Variants in CORO2A observed in about 807,000 individuals in gnomAD.
CORO2A encodes coronin 2A.
A neutral mutation model predicts 62.4 loss-of-function variants in CORO2A; 47 were observed. The observed-to-expected ratio is 0.75, with a 90% CI of 0.60 to 0.96. The LOEUF (loss-of-function observed/expected upper bound fraction) is 0.96. Among genes scored for constraint, CORO2A ranks in the 40% least tolerant of loss-of-function variants. CORO2A has a pLI of 0.00. For synonymous variants in CORO2A, 273 were observed against 268.9 expected (o/e 1.02, Z -0.15); for missense variants, 610 against 684.1 (o/e 0.89, Z 1.21).
chr9:98,162,697 C>T (rs143453578), intron 1 of CORO2A, among the ~76,000 whole-genome samples: 1 of 152,312 alleles, frequency 6.6e-6, no homozygotes, highest in Non-Finnish European at 1.5e-5. Context: ...TCATGAGCGC[C>T]TGTGTCGTTT....
In CORO2A at chr9:98,129,867, G is replaced by T. The variant is rs147305904; in HGVS notation, c.894C>A (p.Tyr298Ter). Residue 298 changes from tyrosine to a stop codon, truncating the protein, a stop_gained, in exon 8 of 12, where the codon TAC becomes TAA. Coordinates refer to ENST00000375077, the MANE Select transcript of CORO2A (RefSeq NM_052820.4). LOFTEE classifies it high-confidence loss of function. Reference sequence around the variant, plus strand: ...GGTGAGGCTTGTCGGCGCTCACCTCGTAGTAGCGGATGTTGCCATCTCCCT... The same window carrying T: ...GGTGAGGCTTGTCGGCGCTCACCTCTTAGTAGCGGATGTTGCCATCTCCCT... The part of the protein sequence containing the change: ...VGKGDGNIRY[Y>*]EVSADKPHLS... 8 of 1,613,852 alleles carry T rather than the reference G, an allele frequency of 5.0e-6. No individual in the cohort carries two copies. In the South Asian group the frequency reaches 5.5e-5, roughly 11 times the overall value.
chr9:98,132,775 T>C (rs1827427165), intron 5 of CORO2A, among the ~76,000 whole-genome samples: 1 of 152,150 alleles, frequency 6.6e-6, no homozygotes, highest in Non-Finnish European at 1.5e-5. Context: ...GCCAACAAGC[T>C]TTGGAGTCAG....
chr9:98,151,405 G>A lies in CORO2A; in HGVS notation c.201+6055C>T, dbSNP rs180936526. ...ATGTTCTATCATTTTCCTTCTAAGC[G>A]TTGCTTGTTTATTCCTAGGTATCCA... is the stretch of plus-strand genomic sequence containing the variant. On this transcript the variant is annotated intron_variant, in intron 2 of 11. Transcript: ENST00000375077. Among the ~76,000 whole-genome samples the A allele has an allele frequency of 4.0e-3, 603 of 152,180 alleles. 7 individuals carry two copies. Among genetic ancestry groups the A allele is most frequent in the Middle Eastern group, 6.8e-3 (2 of 294 alleles).
At chr9:98,185,849 C>T (rs1564221709) in intron 1 of CORO2A, among the ~76,000 whole-genome samples, 1 of 152,240 alleles carries the variant, frequency 6.6e-6, no homozygotes, top group Non-Finnish European at 1.5e-5. Context: ...GGGCTAGAAG[C>T]CAGGGCTGCA....
In CORO2A at chr9:98,129,857, C is replaced by T. The variant is rs527744315; in HGVS notation, c.904G>A (p.Ala302Thr). 7.4e-5 allele frequency: 120 copies of T among 1,613,992 alleles called. No homozygotes were observed. The South Asian group carries it at 1.1e-3, about 15-fold the overall frequency. Residue 302 changes from alanine (A) to threonine (T), a missense_variant, in exon 8 of 12, where the codon GCC (alanine) becomes ACC (threonine). By Grantham distance (58) the Ala-to-Thr change is moderately conservative. Transcript: ENST00000375077. Reference protein sequence around the residue: ...DGNIRYYEVSADKPHLSYLTE... With the variant: ...DGNIRYYEVSTDKPHLSYLTE... ...AGGTAGCTCAGGTGAGGCTTGTCGG[C>T]GCTCACCTCGTAGTAGCGGATGTTG... is the stretch of plus-strand genomic sequence containing the variant.
intron 2 of CORO2A, among the ~76,000 whole-genome samples, chr9:98,145,751 C>T (rs565749317): frequency 1.3e-5 from 2 of 152,102 alleles, no homozygotes; most frequent in East Asian, 1.9e-4. Context: ...ATTGCTCTGT[C>T]GCCCAGGCTG....
At chr9:98,133,309 A>G in intron 4 of CORO2A, 92 bp from the exon 5 acceptor site, 1 of 1,312,104 alleles carries the variant, frequency 7.6e-7, no homozygotes, top group Non-Finnish European at 1.1e-6. Flanking sequence ...GAAACACAGT[A>G]TCCCTGGGAG....
chr9:98,131,323 C>A (rs949968581), intron 6 of CORO2A, among the ~76,000 whole-genome samples: 1 of 119,400 alleles, frequency 8.4e-6, no homozygotes, highest in African/African-American at 3.4e-5. Flanking sequence ...CTGCCCTTAA[C>A]AAATCACTTT....
Position 98,128,178 on chromosome 9 carries a change from A to T in CORO2A, c.1163T>A (p.Met388Lys). ...TTCTCTGCCTTCCTCACCTCGATTC[A>T]TCCCGCTGAGCCACTCCTGGGCCGT... Reference protein sequence around the residue: ...SLTAQEWLSGMNRDPILVSLR... With the variant: ...SLTAQEWLSGKNRDPILVSLR... Residue 388 changes from methionine (M) to lysine (K), a missense_variant, in exon 10 of 12, where the codon ATG (methionine) becomes AAG (lysine). By Grantham distance (95) the Met-to-Lys change is moderately conservative. Transcript: ENST00000375077. 2 of 1,612,650 alleles carry T rather than the reference A, an allele frequency of 1.2e-6. No individual in the cohort carries two copies. Among genetic ancestry groups the T allele is most frequent in the Non-Finnish European group, 1.7e-6 (2 of 1,179,204 alleles).
At chr9:98,165,729 C>T (rs1166773309) in intron 1 of CORO2A, among the ~76,000 whole-genome samples, 1 of 152,186 alleles carries the variant, frequency 6.6e-6, no homozygotes, top group South Asian at 2.1e-4. Context: ...GTGATTCCAG[C>T]GCATGTTAGG....
intron 4 of CORO2A, among the ~76,000 whole-genome samples, chr9:98,134,110 G>C (rs1043404119): frequency 8.5e-5 from 13 of 152,098 alleles, no homozygotes; most frequent in Non-Finnish European, 1.6e-4. Context: ...AACCCCTATA[G>C]TGTCAAAAGG....
intron 2 of CORO2A, among the ~76,000 whole-genome samples, chr9:98,157,166 G>A (rs1279704896): frequency 6.6e-6 from 1 of 152,112 alleles, no homozygotes; most frequent in African/African-American, 2.4e-5. Context: ...TGTAATCCCA[G>A]TAAAGCATTA....
At chr9:98,177,640 T>C (rs1235621269) in intron 1 of CORO2A, among the ~76,000 whole-genome samples, 4 of 151,548 alleles carry the variant, frequency 2.6e-5, no homozygotes, top group Non-Finnish European at 5.9e-5. Context: ...CAAATTTTTT[T>C]GTATTTTTAA....
At position 98,140,167 on chromosome 9, in the gene CORO2A, T is replaced by G. The variant is rs553558912; in HGVS notation, c.202-2479A>C. 5.3e-5 allele frequency among the ~76,000 whole-genome samples: 8 copies of G among 152,000 alleles called. No individual in the cohort carries two copies. In the South Asian group the frequency reaches 8.3e-4, roughly 16 times the overall value. ...GTTCTTGAGCCACCCACCAGAATGC[T>G]CCCCCAGCCATTTTTATATCTAAGT... On this transcript the variant is annotated intron_variant, in intron 2 of 11. Coordinates refer to ENST00000375077, the MANE Select transcript of CORO2A (RefSeq NM_052820.4).
chr9:98,133,256 C>T (rs775691582), intron 4 of CORO2A, 39 bp from the exon 5 acceptor site: 3 of 1,596,618 alleles, frequency 1.9e-6, no homozygotes, highest in Non-Finnish European at 2.6e-6. Context: ...CAGGGGCCAC[C>T]TTGCCCCTGG....
At chr9:98,166,852 A>C (rs1564214196) in intron 1 of CORO2A, among the ~76,000 whole-genome samples, 1 of 152,130 alleles carries the variant, frequency 6.6e-6, no homozygotes, top group Non-Finnish European at 1.5e-5. Flanking sequence ...AAAGGAAGAA[A>C]ACTCTACTTT....
At chr9:98,156,102 G>A (rs1827800107) in intron 2 of CORO2A, among the ~76,000 whole-genome samples, 2 of 141,530 alleles carry the variant, frequency 1.4e-5, no homozygotes, top group South Asian at 4.5e-4. Context: ...CCAGGCTGGA[G>A]TACAGTGTTG....
chr9:98,190,771 T>C (rs1828296481), intron 1 of CORO2A, among the ~76,000 whole-genome samples: 1 of 152,136 alleles, frequency 6.6e-6, no homozygotes, highest in Non-Finnish European at 1.5e-5. Context: ...AGATTATACA[T>C]GTGTCGAGAT....
chr9:98,182,473 C>T (rs923591483), intron 1 of CORO2A, among the ~76,000 whole-genome samples: 14 of 152,172 alleles, frequency 9.2e-5, no homozygotes, highest in South Asian at 8.3e-4. Flanking sequence ...CTCCCCACCC[C>T]CATTACTCAG....
Sources: allele counts gnomAD v4.1 joint callset (sites outside exome capture counted in the v4.1 genomes callset), GRCh38; gene constraint gnomAD v4.1.1; transcripts MANE v1.5; gene names NCBI Gene and HGNC (gene_info 2026-07-23, HGNC 2026-07-21).